The following SNTB1 variants were observed in gnomAD, a reference collection of about 807,000 sequenced individuals.
SNTB1 encodes the protein syntrophin beta 1.
SNTB1 carries 36 observed loss-of-function variants against 48.9 expected under a neutral mutation model. The ratio of observed to expected loss-of-function variants is 0.74; its 90% CI spans 0.56 to 0.97. The LOEUF (loss-of-function observed/expected upper bound fraction) is 0.97. Among genes scored for constraint, SNTB1 ranks in the 50% least tolerant of loss-of-function variants. The pLI, the probability that SNTB1 is intolerant of heterozygous loss-of-function variation, is 0.00. For missense variants in SNTB1, 786 were observed against 703.4 expected (o/e 1.12, Z -1.33); for synonymous variants, 299 against 294.6 (o/e 1.01, Z -0.15).
intron 1 of SNTB1, among the ~76,000 whole-genome samples, chr8:120,784,638 G>A (rs1483278363): frequency 6.6e-6 from 1 of 152,202 alleles, no homozygotes; most frequent in Non-Finnish European, 1.5e-5. Context: ...GTGGAATGCT[G>A]TGGAAAAATG....
chr8:120,773,721 AT>A (rs1819680740), intron 1 of SNTB1, among the ~76,000 whole-genome samples: 1 of 152,238 alleles, frequency 6.6e-6, no homozygotes, highest in South Asian at 2.1e-4. Context: ...ATAACCTTAT[AT>A]TTATCTCATT....
intron 1 of SNTB1, among the ~76,000 whole-genome samples, chr8:120,701,623 C>G (rs1818310386): frequency 6.6e-6 from 1 of 152,172 alleles, no homozygotes; most frequent in African/African-American, 2.4e-5. Context: ...GAATATAAGC[C>G]CACATTGAGA....
intron 1 of SNTB1, among the ~76,000 whole-genome samples, chr8:120,804,463 A>T (rs939048686): frequency 2.6e-5 from 4 of 152,066 alleles, no homozygotes; most frequent in Non-Finnish European, 4.4e-5. Flanking sequence ...TACCGCTTTA[A>T]CTTCCTTTTG....
At chr8:120,706,470 C>A (rs1330732982) in intron 1 of SNTB1, among the ~76,000 whole-genome samples, 1 of 152,102 alleles carries the variant, frequency 6.6e-6, no homozygotes, top group Admixed American at 6.6e-5. Flanking sequence ...AAAGTTTATT[C>A]ATCAGATATT....
intron 4 of SNTB1, among the ~76,000 whole-genome samples, chr8:120,560,249 G>A (rs970605668): frequency 6.6e-5 from 10 of 152,168 alleles, no homozygotes; most frequent in Admixed American, 1.3e-4. Flanking sequence ...TTGGGAGGCC[G>A]AGTCAGGCAG....
intron 1 of SNTB1, chr8:120,776,575 T>C (rs1819739329): frequency 1.3e-5 from 2 of 152,178 alleles, no homozygotes; most frequent in African/African-American, 4.8e-5. Flanking sequence ...CACATATTTG[T>C]AAATGCTTGT....
At chr8:120,682,426 T>C (rs1375955653) in intron 2 of SNTB1, among the ~76,000 whole-genome samples, 1 of 152,224 alleles carries the variant, frequency 6.6e-6, no homozygotes, top group East Asian at 1.9e-4. Context: ...CTATATATGC[T>C]TAAAAATAAT....
chr8:120,563,463 A>G (rs1039965478), intron 4 of SNTB1, among the ~76,000 whole-genome samples: 2 of 152,148 alleles, frequency 1.3e-5, no homozygotes, highest in African/African-American at 4.8e-5. Context: ...TAGGGGCACC[A>G]TTGAAGTTTG....
chr8:120,697,863 A>G (rs1818237465), intron 1 of SNTB1, among the ~76,000 whole-genome samples: 1 of 152,240 alleles, frequency 6.6e-6, no homozygotes, highest in South Asian at 2.1e-4. Flanking sequence ...ATGTTTAGTA[A>G]TATTACCAGA....
intron 1 of SNTB1, among the ~76,000 whole-genome samples, chr8:120,701,050 T>C (rs1818302306): frequency 6.6e-6 from 1 of 152,202 alleles, no homozygotes; most frequent in African/African-American, 2.4e-5. Flanking sequence ...TTCAGACTTC[T>C]GGTGAAATGT....
In SNTB1 at chr8:120,735,879, A is replaced by C. The variant is rs1481303125; in HGVS notation, c.572-41971T>G. 2.6e-5 allele frequency among the ~76,000 whole-genome samples: 4 copies of C among 152,242 alleles called. No individual in the cohort carries two copies. In the East Asian group the frequency reaches 7.7e-4, roughly 29 times the overall value. ...GTTCAAGCAGCACCATGGGTGGCTC[A>C]CAATAGTTCACCAAGTATTTTTATT... On this transcript the variant is annotated intron_variant, in intron 1 of 6. Transcript: ENST00000517992.
At chr8:120,771,350 C>G (rs1357108070) in intron 1 of SNTB1, among the ~76,000 whole-genome samples, 2 of 152,244 alleles carry the variant, frequency 1.3e-5, no homozygotes, top group South Asian at 4.1e-4. Flanking sequence ...ATCTGAAGAG[C>G]AGAAAAATAA....
At position 120,811,647 on chromosome 8, in the gene SNTB1, C is replaced by A. The variant is rs1445967425; in HGVS notation, c.197G>T (p.Gly66Val). Residue 66 changes from glycine to valine, a missense_variant, in exon 1 of 7, where the codon GGC (glycine) becomes GTC (valine). Gly to Val is a moderately radical substitution (Grantham distance 109, BLOSUM62 -3). Transcript: ENST00000517992. ...AGCCCCGGCGCCCCTGCAGAACGAG[C>A]CATTGGTGGCGGTCCCGATGCCGTT... ...AYNGIGTATN[G>V]SFCRGAGAGH... 5.6e-6 allele frequency: 9 copies of A among 1,593,966 alleles called. No homozygotes were observed. Among genetic ancestry groups the A allele is most frequent in the South Asian group, 1.1e-5 (1 of 89,126 alleles).
At chr8:120,567,588 T>C (rs2130676359) in intron 4 of SNTB1, among the ~76,000 whole-genome samples, 1 of 152,080 alleles carries the variant, frequency 6.6e-6, no homozygotes, top group African/African-American at 2.4e-5. Flanking sequence ...GCATGGCTAA[T>C]TGTTTTTTAT....
intron 2 of SNTB1, among the ~76,000 whole-genome samples, chr8:120,675,577 T>C (rs1249489261): frequency 6.6e-6 from 1 of 152,172 alleles, no homozygotes; most frequent in Non-Finnish European, 1.5e-5. Context: ...ATACTTATCA[T>C]TGTCTCAGCC....
At chr8:120,558,532 A>C (rs1815605234) in intron 4 of SNTB1, among the ~76,000 whole-genome samples, 1 of 152,246 alleles carries the variant, frequency 6.6e-6, no homozygotes, top group African/African-American at 2.4e-5. Context: ...GAAAGATTTT[A>C]CATTTCCTAT....
intron 3 of SNTB1, among the ~76,000 whole-genome samples, chr8:120,584,527 T>G (rs568179243): frequency 6.6e-6 from 1 of 151,886 alleles, no homozygotes; most frequent in African/African-American, 2.4e-5. Flanking sequence ...TATTTGATTT[T>G]GAGTCATTTA....
chr8:120,704,268 C>T (rs539964834), intron 1 of SNTB1, among the ~76,000 whole-genome samples: 72 of 152,096 alleles, frequency 4.7e-4, no homozygotes, highest in Non-Finnish European at 9.0e-4. Flanking sequence ...CTGAGCAATA[C>T]AGCATGACCT....
chr8:120,807,245 T>C (rs1156818284), intron 1 of SNTB1, among the ~76,000 whole-genome samples: 1 of 152,232 alleles, frequency 6.6e-6, no homozygotes, highest in Non-Finnish European at 1.5e-5. Context: ...AGTCGACCTA[T>C]TTCAAATTAC....
Sources: gnomAD v4.1 joint callset for allele counts (sites outside exome capture counted in the v4.1 genomes callset) on GRCh38, gnomAD v4.1.1 for gene constraint, MANE v1.5 for transcripts, NCBI Gene and HGNC (gene_info 2026-07-23, HGNC 2026-07-21) for gene names.